Variants in CNTN4 observed in about 807,000 individuals in gnomAD.
CNTN4 encodes the protein contactin-4.
A neutral mutation model predicts 122.5 loss-of-function variants in CNTN4; 77 were observed. The observed-to-expected ratio is 0.63, with a 90% confidence interval of 0.52 to 0.76. The LOEUF is 0.76. Ranked by LOEUF, CNTN4 falls within the 30% of genes least tolerant of loss-of-function variation. The pLI, the probability that CNTN4 is intolerant of heterozygous loss-of-function variation, is 0.00. For missense variants in CNTN4, 1,256 were observed against 1,259.1 expected (o/e 1.00, Z 0.04); for synonymous variants, 512 against 447.0 (o/e 1.15, Z -1.83).
intron 3 of CNTN4, among the ~76,000 whole-genome samples, chr3:2,363,034 G>A (rs1042079858): frequency 2.6e-5 from 4 of 151,966 alleles, no homozygotes; most frequent in Non-Finnish European, 5.9e-5. Flanking sequence ...GTTTCTACAG[G>A]AGGATCTTAT....
chr3:2,382,230 C>T (rs374253228), intron 3 of CNTN4, among the ~76,000 whole-genome samples: 15 of 149,266 alleles, frequency 1.0e-4, no homozygotes, highest in South Asian at 2.1e-4. Context: ...AGTGCAGTGG[C>T]GCGATCTCAG....
intron 2 of CNTN4, among the ~76,000 whole-genome samples, chr3:2,211,644 T>C (rs2038622611): frequency 6.6e-6 from 1 of 152,226 alleles, no homozygotes; most frequent in East Asian, 1.9e-4. Context: ...AGGAAAAATT[T>C]AGTGAATTCC....
At chr3:2,880,215 G>C (rs894434619) in intron 8 of CNTN4, among the ~76,000 whole-genome samples, 9 of 152,204 alleles carry the variant, frequency 5.9e-5, no homozygotes, top group Admixed American at 3.9e-4. Flanking sequence ...TATAGACAGA[G>C]AGAGGCTGGG....
intron 3 of CNTN4, among the ~76,000 whole-genome samples, chr3:2,516,735 G>A (rs936236896): frequency 2.0e-5 from 3 of 152,098 alleles, no homozygotes; most frequent in African/African-American, 7.2e-5. Context: ...AGAAGGAGCT[G>A]CAAAGGAATA....
At chr3:2,547,466 A>G (rs573638211) in intron 3 of CNTN4, among the ~76,000 whole-genome samples, 1 of 152,050 alleles carries the variant, frequency 6.6e-6, no homozygotes, top group African/African-American at 2.4e-5. Context: ...GGGTTTCGCC[A>G]TGTTGGCCAG....
At chr3:2,839,088 T>C (rs923441675) in intron 7 of CNTN4, among the ~76,000 whole-genome samples, 3 of 152,226 alleles carry the variant, frequency 2.0e-5, no homozygotes, top group African/African-American at 7.2e-5. Context: ...AAAAAAATCT[T>C]GACATACACC....
intron 3 of CNTN4, among the ~76,000 whole-genome samples, chr3:2,446,063 T>G: frequency 6.6e-6 from 1 of 152,214 alleles, no homozygotes; most frequent in East Asian, 1.9e-4. Flanking sequence ...AGTGAATATT[T>G]TATTTCCTGT....
chr3:2,208,017 A>G (rs138808509), intron 2 of CNTN4, among the ~76,000 whole-genome samples: 2,029 of 152,260 alleles, frequency 0.013, 22 homozygotes, highest in Middle Eastern at 0.034. Context: ...GACAAGATTG[A>G]TATTATCTCC....
intron 4 of CNTN4, among the ~76,000 whole-genome samples, chr3:2,703,355 GA>G (rs1559405352): frequency 1.3e-5 from 2 of 152,178 alleles, no homozygotes; most frequent in African/African-American, 4.8e-5. Context: ...ACATGAAATG[GA>G]AAAAAACTAC....
At chr3:2,251,793 A>G (rs2149684828) in intron 2 of CNTN4, among the ~76,000 whole-genome samples, 1 of 151,880 alleles carries the variant, frequency 6.6e-6, no homozygotes, top group South Asian at 2.1e-4. Context: ...CACACCACAG[A>G]CTGTATTAGA....
Position 2,631,885 on chromosome 3 carries a change from AAAAC to A in CNTN4, c.55+60330_55+60333del, listed in dbSNP as rs1559327667. Among the ~76,000 whole-genome samples the A allele has an allele frequency of 7.4e-3, 1,058 of 142,506 alleles. 55 individuals are homozygous for A. The highest frequency in any genetic ancestry group is 0.03 in the African/African-American group (1,011 of 33,280). 93.5% of individuals were successfully genotyped at this position (142,506 alleles called of 152,430 possible). On this transcript the variant is annotated intron_variant, in intron 4 of 24. Transcript: ENST00000418658. The stretch of plus-strand genomic sequence containing the variant: ...CTCTACAAAAAAAAAAAAACAAAAA[AAAAC>A]AACAACTAAAAAATTAGCTGGACAT...
chr3:2,552,157 T>C (rs561870162), intron 3 of CNTN4, among the ~76,000 whole-genome samples: 5 of 152,164 alleles, frequency 3.3e-5, no homozygotes, highest in Non-Finnish European at 7.4e-5. Context: ...CTCACTTAAA[T>C]GGGTTCATAG....
chr3:2,172,604 G>A lies in CNTN4; in HGVS notation c.-145+71965G>A, dbSNP rs180893761. Among the ~76,000 whole-genome samples, 67 of 152,298 alleles carry A rather than the reference G, an allele frequency of 4.4e-4. No individual in the cohort carries two copies. In the East Asian group the frequency reaches 8.1e-3, roughly 18 times the overall value. ...GCAAGTAGGCCAGCCCATGAAAGCC[G>A]TTTAATACTTGGTTAAGTAGACTGA... is the stretch of plus-strand genomic sequence containing the variant. On this transcript the variant is annotated intron_variant, in intron 2 of 24. Transcript: ENST00000418658.
intron 8 of CNTN4, among the ~76,000 whole-genome samples, chr3:2,870,163 T>C (rs2093768641): frequency 1.3e-5 from 2 of 152,228 alleles, no homozygotes; most frequent in African/African-American, 2.4e-5. Flanking sequence ...TCCAGAATCA[T>C]CATGTACACT....
intron 4 of CNTN4, among the ~76,000 whole-genome samples, chr3:2,679,410 T>C (rs2085046090): frequency 1.3e-5 from 2 of 152,100 alleles, no homozygotes; most frequent in Non-Finnish European, 2.9e-5. Flanking sequence ...AGTAGGAAGC[T>C]CATTTTTTCT....
chr3:2,335,374 C>T (rs1001691200), intron 2 of CNTN4, among the ~76,000 whole-genome samples: 2 of 152,068 alleles, frequency 1.3e-5, no homozygotes, highest in Non-Finnish European at 2.9e-5. Context: ...TGGATTACCT[C>T]AGTCTAGCCT....
In CNTN4 at chr3:2,124,474, C is replaced by CACACACACA. The variant is rs1559265723; in HGVS notation, c.-145+23835_-145+23836insACACACACA. On this transcript the variant is annotated intron_variant, in intron 2 of 24. Transcript: ENST00000418658. ...CACACACACACACACACACACACAC[C>CACACACACA]CCCTTAAGCAAGGTATGCTGGCTCA... Among the ~76,000 whole-genome samples, 105 of 107,652 alleles carry CACACACACA rather than the reference C, an allele frequency of 9.8e-4. 1 individual carries two copies. The highest frequency in any genetic ancestry group is 5.7e-3 in the East Asian group (18 of 3,150). 70.6% of individuals were successfully genotyped at this position (107,652 alleles called of 152,430 possible).
chr3:2,597,611 A>G (rs1293437077), intron 4 of CNTN4, among the ~76,000 whole-genome samples: 3 of 152,166 alleles, frequency 2.0e-5, no homozygotes, highest in Admixed American at 2.0e-4. Flanking sequence ...GCCTGAAGGC[A>G]TGCATAAAAG....
In CNTN4 at chr3:3,038,937, C is replaced by T. The variant is rs151025792; in HGVS notation, c.2097C>T (p.Pro699=). 5.6e-4 allele frequency: 899 copies of T among 1,613,990 alleles called. 1 individual carries two copies. The highest frequency in any genetic ancestry group is 5.8e-4 in the Non-Finnish European group (688 of 1,179,940). Reference sequence around the variant, plus strand: ...GTTTTTTGTCTCCTTGTGCAGTCCCCGAAGTCACACCAGCGAATGTCAGTG... The same window carrying T: ...GTTTTTTGTCTCCTTGTGCAGTCCCTGAAGTCACACCAGCGAATGTCAGTG... The part of the protein sequence containing the change: ...SEKRRTEEAL[P]EVTPANVSGG... Residue 699 remains proline (P), a synonymous_variant, in exon 19 of 25, where the codon CCC becomes CCT. Coordinates refer to ENST00000418658, the MANE Select transcript of CNTN4 (RefSeq NM_175607.3).
Sources: allele counts gnomAD v4.1 joint callset (sites outside exome capture counted in the v4.1 genomes callset), GRCh38; gene constraint gnomAD v4.1.1; transcripts MANE v1.5; gene names NCBI Gene and HGNC (gene_info 2026-07-23, HGNC 2026-07-21).